The following ABHD17B variants were observed in gnomAD, a reference collection of about 807,000 sequenced individuals.
ABHD17B encodes alpha/beta hydrolase domain-containing protein 17B.
A neutral mutation model predicts 26.2 loss-of-function variants in ABHD17B; 9 were observed. The observed-to-expected ratio is 0.34, with a 90% CI of 0.21 to 0.60. The LOEUF (loss-of-function observed/expected upper bound fraction) is 0.60, where lower values mean the gene tolerates loss of function less well. ABHD17B is among the 20% of genes least tolerant of loss of function. The probability of loss-of-function intolerance (pLI) is 0.80; values close to 1 mark genes in which losing one functional copy is unlikely to be tolerated. For missense variants in ABHD17B, 224 were observed against 352.1 expected (o/e 0.64, Z 2.91); for synonymous variants, 127 against 122.3 (o/e 1.04, Z -0.25).
At chr9:71,899,277 T>TG (rs1206112094) in intron 1 of ABHD17B, among the ~76,000 whole-genome samples, 4 of 152,334 alleles carry the variant, frequency 2.6e-5, no homozygotes, top group South Asian at 2.1e-4. Context: ...GTAATGCAAC[T>TG]GGGGAAGAGT....
intron 2 of ABHD17B, among the ~76,000 whole-genome samples, chr9:71,874,131 T>C (rs1826190502): frequency 6.6e-6 from 1 of 152,066 alleles, no homozygotes; most frequent in South Asian, 2.1e-4. Flanking sequence ...TATATCACAC[T>C]CCAATAAGAA....
intron 1 of ABHD17B, among the ~76,000 whole-genome samples, chr9:71,884,646 A>G (rs770277962): frequency 3.9e-5 from 6 of 152,052 alleles, no homozygotes; most frequent in Non-Finnish European, 8.8e-5. Flanking sequence ...AAAAAAAAAA[A>G]AAGGAAATTA....
intron 1 of ABHD17B, among the ~76,000 whole-genome samples, chr9:71,902,814 A>T (rs981183273): frequency 1.3e-5 from 2 of 152,230 alleles, no homozygotes; most frequent in African/African-American, 2.4e-5. Flanking sequence ...CATTTTTGGG[A>T]AAAGTTTATT....
intron 1 of ABHD17B, among the ~76,000 whole-genome samples, chr9:71,897,717 T>C (rs1277011655): frequency 1.3e-5 from 2 of 152,200 alleles, no homozygotes; most frequent in African/African-American, 2.4e-5. Context: ...TACATAGATG[T>C]TGTAACATGT....
At chr9:71,887,033 T>C (rs1264676501) in intron 1 of ABHD17B, among the ~76,000 whole-genome samples, 1 of 152,114 alleles carries the variant, frequency 6.6e-6, no homozygotes, top group Non-Finnish European at 1.5e-5. Flanking sequence ...ATGGGTCACT[T>C]GAAAACACCC....
At chr9:71,887,420 C>T (rs575355368) in intron 1 of ABHD17B, among the ~76,000 whole-genome samples, 1 of 152,244 alleles carries the variant, frequency 6.6e-6, no homozygotes, top group East Asian at 1.9e-4. Context: ...GTCAGAAGTC[C>T]TATTTATTTT....
intron 1 of ABHD17B, among the ~76,000 whole-genome samples, chr9:71,901,590 C>T (rs556130135): frequency 6.6e-6 from 1 of 152,130 alleles, no homozygotes; most frequent in Admixed American, 6.5e-5. Context: ...TTTAACTACC[C>T]TTTATACTAC....
chr9:71,884,652 A>C (rs1215915450), intron 1 of ABHD17B, among the ~76,000 whole-genome samples: 1 of 151,972 alleles, frequency 6.6e-6, no homozygotes, highest in Non-Finnish European at 1.5e-5. Context: ...AAAAAAAGGA[A>C]ATTAAGTAAA....
At chr9:71,873,590 G>T (rs1023124301) in intron 2 of ABHD17B, among the ~76,000 whole-genome samples, 1 of 152,118 alleles carries the variant, frequency 6.6e-6, no homozygotes. Flanking sequence ...TAGAGACGGG[G>T]TTTCACCATC....
intron 1 of ABHD17B, among the ~76,000 whole-genome samples, chr9:71,884,971 C>T (rs1259465123): frequency 6.6e-6 from 1 of 151,944 alleles, no homozygotes; most frequent in South Asian, 2.1e-4. Context: ...GGGGGCAAAA[C>T]AGAATCTTTT....
chr9:71,909,588 C>T (rs1827383664), intron 1 of ABHD17B, among the ~76,000 whole-genome samples: 1 of 152,158 alleles, frequency 6.6e-6, no homozygotes, highest in Non-Finnish European at 1.5e-5. Flanking sequence ...TCTACTCCGA[C>T]TCATTAGGTA....
At chr9:71,893,982 C>T (rs891484762) in intron 1 of ABHD17B, among the ~76,000 whole-genome samples, 2 of 151,150 alleles carry the variant, frequency 1.3e-5, no homozygotes, top group Admixed American at 6.6e-5. Flanking sequence ...CCCAGCTACT[C>T]GGGAGGCTGA....
At chr9:71,869,260 T>A (rs545643622) in intron 3 of ABHD17B, among the ~76,000 whole-genome samples, 41 of 152,350 alleles carry the variant, frequency 2.7e-4, no homozygotes, top group African/African-American at 9.6e-4. Flanking sequence ...ACTAAAGTGA[T>A]CCATTACTGG....
At chr9:71,899,048 C>T (rs1284399969) in intron 1 of ABHD17B, among the ~76,000 whole-genome samples, 1 of 151,726 alleles carries the variant, frequency 6.6e-6, no homozygotes, top group Non-Finnish European at 1.5e-5. Flanking sequence ...AGCTTGAACC[C>T]GGTAGGCAGA....
intron 1 of ABHD17B, among the ~76,000 whole-genome samples, chr9:71,877,380 A>G (rs1399624813): frequency 2.0e-5 from 3 of 152,244 alleles, no homozygotes; most frequent in African/African-American, 7.2e-5. Flanking sequence ...GTACGTATCT[A>G]GACTATAGTC....
chr9:71,898,569 G>A (rs896410574), intron 1 of ABHD17B, among the ~76,000 whole-genome samples: 2 of 152,232 alleles, frequency 1.3e-5, no homozygotes, highest in South Asian at 4.2e-4. Context: ...AACCCAGGAA[G>A]CGAAGGCTGC....
chr9:71,870,030 G>GA (rs1826065981), intron 3 of ABHD17B, 53 bp downstream of exon 3: 9 of 1,506,906 alleles, frequency 6.0e-6, no homozygotes, highest in Non-Finnish European at 8.1e-6. Flanking sequence ...TTTAAATGAT[G>GA]AAAAAATTCC....
intron 3 of ABHD17B, among the ~76,000 whole-genome samples, chr9:71,867,276 T>C (rs997639943): frequency 2.0e-5 from 3 of 152,234 alleles, no homozygotes; most frequent in Admixed American, 1.3e-4. Flanking sequence ...TGTACCTTTC[T>C]ACAATGTTGA....
intron 1 of ABHD17B, among the ~76,000 whole-genome samples, chr9:71,877,279 T>A (rs1027471902): frequency 6.6e-6 from 1 of 152,238 alleles, no homozygotes; most frequent in African/African-American, 2.4e-5. Context: ...CTGTTTAATA[T>A]CTGTCTATGG....
Sources: gnomAD v4.1 joint callset for allele counts (sites outside exome capture counted in the v4.1 genomes callset) on GRCh38, gnomAD v4.1.1 for gene constraint, MANE v1.5 for transcripts, NCBI Gene and HGNC (gene_info 2026-07-23, HGNC 2026-07-21) for gene names.